MYRIP: variants seen among roughly 807,000 people sequenced by gnomAD.
MYRIP encodes rab effector MyRIP.
In MYRIP, 49 loss-of-function variants were observed where a neutral mutation model predicts 98.0. The observed-to-expected ratio is 0.50, with a 90% confidence interval of 0.40 to 0.63. The LOEUF (loss-of-function observed/expected upper bound fraction) is 0.63. Ranked by LOEUF, MYRIP falls within the 30% of genes least tolerant of loss-of-function variation. MYRIP has a pLI of 0.00. For synonymous variants in MYRIP, 404 were observed against 409.5 expected (o/e 0.99, Z 0.16); for missense variants, 1,004 against 1,058.2 (o/e 0.95, Z 0.71).
chr3:39,874,696 T>G (rs1008738811), intron 1 of MYRIP, among the ~76,000 whole-genome samples: 10 of 152,234 alleles, frequency 6.6e-5, no homozygotes, highest in Non-Finnish European at 5.9e-5. Flanking sequence ...GAAGCCCACT[T>G]TATCATGGTG....
In MYRIP at chr3:40,166,883, G is replaced by A. The variant is rs1950511898; in HGVS notation, c.588G>A (p.Arg196=). ...SVMDTLAVAL[R]VAEEAIEEAI... is the part of the protein sequence containing the mutation. ...TGGACACCTTGGCTGTGGCCCTACG[G>A]GTGGCTGAAGAGGCCATTGAGGAAG... is the stretch of plus-strand genomic sequence containing the variant. Residue 196 remains arginine, a synonymous_variant, in exon 6 of 17, where the codon CGG becomes CGA. Transcript: ENST00000302541. 1.5e-5 allele frequency: 24 copies of A among 1,613,942 alleles called. No homozygotes were observed. Among genetic ancestry groups the A allele is most frequent in the Non-Finnish European group, 1.8e-5 (21 of 1,179,986 alleles).
rs903832772 is a variant in MYRIP at position 40,259,791 on chromosome 3, G to A, written c.*1625G>A. The A allele has an allele frequency of 5.2e-5, 8 of 152,578 alleles. No homozygotes were observed. Among genetic ancestry groups the A allele is most frequent in the African/African-American group, 1.9e-4 (8 of 41,428 alleles). The allele number at this position is 152,578 out of a possible 1,614,324, so 9.5% of individuals were successfully genotyped here. On this transcript the variant is annotated 3_prime_UTR_variant, in exon 17 of 17. Coordinates refer to ENST00000302541, the MANE Select transcript of MYRIP (RefSeq NM_015460.4). ...CTTTGGCTTTTTGTTCTGTTGGTGT[G>A]ATTCAAAGCAAAACAAACAAACAAA...
At chr3:39,961,938 C>T (rs1336170832) in intron 2 of MYRIP, among the ~76,000 whole-genome samples, 6 of 151,922 alleles carry the variant, frequency 3.9e-5, no homozygotes, top group East Asian at 3.9e-4. Context: ...ACCTGGATGG[C>T]GCAGCAGGGT....
At chr3:39,966,480 A>G (rs1464019917) in intron 2 of MYRIP, among the ~76,000 whole-genome samples, 1 of 152,220 alleles carries the variant, frequency 6.6e-6, no homozygotes, top group Non-Finnish European at 1.5e-5. Flanking sequence ...TAGCATAGAT[A>G]TTAGTGTTCC....
At chr3:39,928,967 C>G (rs1042891172) in intron 2 of MYRIP, among the ~76,000 whole-genome samples, 7 of 151,918 alleles carry the variant, frequency 4.6e-5, no homozygotes, top group African/African-American at 1.4e-4. Flanking sequence ...GAACTAAAAG[C>G]AAATTTAGTT....
At chr3:39,990,682 G>T (rs1003713042) in intron 2 of MYRIP, among the ~76,000 whole-genome samples, 1 of 152,166 alleles carries the variant, frequency 6.6e-6, no homozygotes, top group Admixed American at 6.5e-5. Flanking sequence ...CATTCTGATT[G>T]TTCTGGTCAT....
intron 4 of MYRIP, 67 bp downstream of exon 4, chr3:40,151,251 G>A (rs1007302834): frequency 1.3e-6 from 2 of 1,498,736 alleles, no homozygotes; most frequent in Non-Finnish European, 1.8e-6. Context: ...TGGCTCAGGG[G>A]CCCTGAACAC....
intron 12 of MYRIP, among the ~76,000 whole-genome samples, chr3:40,236,770 C>T (rs1446916935): frequency 6.6e-6 from 1 of 152,162 alleles, no homozygotes. Context: ...GATGCCAGCT[C>T]CTGCAGAGTC....
intron 2 of MYRIP, among the ~76,000 whole-genome samples, chr3:39,957,798 A>G (rs556399146): frequency 6.6e-6 from 1 of 152,342 alleles, no homozygotes; most frequent in African/African-American, 2.4e-5. Flanking sequence ...TCAGCCCAAA[A>G]TCTCCGTAAG....
intron 2 of MYRIP, among the ~76,000 whole-genome samples, chr3:39,943,475 C>T (rs1314017499): frequency 1.3e-5 from 2 of 151,982 alleles, no homozygotes; most frequent in South Asian, 2.1e-4. Flanking sequence ...TGATAGCTGA[C>T]CCAGGGTGGG....
intron 11 of MYRIP, among the ~76,000 whole-genome samples, chr3:40,216,745 A>G (rs1952132306): frequency 6.6e-6 from 1 of 152,214 alleles, no homozygotes; most frequent in South Asian, 2.1e-4. Flanking sequence ...ATAGAAAGAT[A>G]GTTCTGTAAC....
At chr3:39,886,506 A>G (rs112811846) in intron 1 of MYRIP, among the ~76,000 whole-genome samples, 90 of 151,506 alleles carry the variant, frequency 5.9e-4, no homozygotes, top group African/African-American at 2.1e-3. Context: ...CTACCAAGCA[A>G]ATGGAAAACA....
At chr3:40,214,912 C>T (rs1952072380) in intron 11 of MYRIP, among the ~76,000 whole-genome samples, 1 of 152,148 alleles carries the variant, frequency 6.6e-6, no homozygotes, top group Non-Finnish European at 1.5e-5. Context: ...GCCAAGTCTC[C>T]CCAAACCCCC....
rs114805013 is a variant in MYRIP at position 40,238,303 on chromosome 3, G to T, written c.2100+4250G>T. Among the ~76,000 whole-genome samples, 1,130 of 152,324 alleles carry T rather than the reference G, an allele frequency of 7.4e-3. 4 individuals carry two copies. Among genetic ancestry groups the T allele is most frequent in the Non-Finnish European group, 0.012 (795 of 68,036 alleles). ...TTCAACAGATCACAGAGCCATGGGCGCGTTGCCTTGCTCTGCTGCTCCCGG... is the reference window on the plus strand; with the variant it reads ...TTCAACAGATCACAGAGCCATGGGCTCGTTGCCTTGCTCTGCTGCTCCCGG... On this transcript the variant is annotated intron_variant, in intron 12 of 16. Coordinates refer to ENST00000302541, the MANE Select transcript of MYRIP (RefSeq NM_015460.4).
chr3:40,260,051 C>CAAAG lies in MYRIP; in HGVS notation c.*1887_*1890dup, dbSNP rs1953716836. The CAAAG allele has an allele frequency of 6.6e-6, 1 of 152,570 alleles. No individual in the cohort carries two copies. The allele number at this position is 152,570 out of a possible 1,614,324, so 9.5% of individuals were successfully genotyped here. ...AAGGTTTCCTTGTGCCAAATAAGTG[C>CAAAG]AAAGATTTAATTTACTATTAAAAAC... On this transcript the variant is annotated 3_prime_UTR_variant, in exon 17 of 17. Coordinates refer to ENST00000302541, the MANE Select transcript of MYRIP (RefSeq NM_015460.4).
intron 3 of MYRIP, among the ~76,000 whole-genome samples, chr3:40,110,327 T>G (rs1370655667): frequency 6.6e-6 from 1 of 152,204 alleles, no homozygotes; most frequent in African/African-American, 2.4e-5. Flanking sequence ...GCACTGGCCT[T>G]GTAGAAAAAA....
chr3:40,106,108 A>T, intron 3 of MYRIP, among the ~76,000 whole-genome samples: 1 of 152,202 alleles, frequency 6.6e-6, no homozygotes, highest in South Asian at 2.1e-4. Flanking sequence ...TATCCAAAGC[A>T]TATCACATAC....
intron 13 of MYRIP, among the ~76,000 whole-genome samples, chr3:40,247,068 G>A (rs1340299499): frequency 6.6e-6 from 1 of 152,194 alleles, no homozygotes. Context: ...GTTACATTGT[G>A]TAGCAAATAC....
rs775123403 is a variant in MYRIP, at chr3:39,812,954, C to T, written c.-31+3038C>T. On this transcript the variant is annotated intron_variant, in intron 1 of 16. Transcript: ENST00000302541. Reference sequence around the variant, plus strand: ...TATCCCAGCTCTTTATGAAGATGGCCGTGGGATGGGGGCAGGTGCTTGTTG... The same window carrying T: ...TATCCCAGCTCTTTATGAAGATGGCTGTGGGATGGGGGCAGGTGCTTGTTG... Among the ~76,000 whole-genome samples, 5 of 152,252 alleles carry T rather than the reference C, an allele frequency of 3.3e-5. No individual in the cohort carries two copies. The South Asian group carries it at 6.2e-4, about 19-fold the overall frequency.
Sources: allele counts gnomAD v4.1 joint callset (sites outside exome capture counted in the v4.1 genomes callset), GRCh38; gene constraint gnomAD v4.1.1; transcripts MANE v1.5; gene names NCBI Gene and HGNC (gene_info 2026-07-23, HGNC 2026-07-21).